The following SPPL2A variants were observed in gnomAD, a reference collection of about 807,000 sequenced individuals.
SPPL2A encodes the protein signal peptide peptidase like 2A.
Under a neutral mutation model 63.8 loss-of-function variants are expected in SPPL2A, and 51 were observed. The observed-to-expected ratio is 0.80, with a 90% confidence interval of 0.64 to 1.01. The LOEUF (loss-of-function observed/expected upper bound fraction) is 1.01, where lower values mean the gene tolerates loss of function less well. Among genes scored for constraint, SPPL2A ranks in the 50% least tolerant of loss-of-function variants. SPPL2A has a pLI of 0.00. For missense variants in SPPL2A, 553 were observed against 622.7 expected (o/e 0.89, Z 1.19); for synonymous variants, 188 against 205.8 (o/e 0.91, Z 0.74).
chr15:50,703,359 T>TA lies in SPPL2A; in HGVS notation c.*4440_*4441insT, dbSNP rs1567144075. 1 of 96,904 alleles carries TA rather than the reference T, an allele frequency of 1.0e-5. No individual in the cohort carries two copies. The highest frequency in any genetic ancestry group is 2.1e-5 in the Non-Finnish European group (1 of 48,164). 6.0% of individuals were successfully genotyped at this position (96,904 alleles called of 1,614,324 possible). On this transcript the variant is annotated 3_prime_UTR_variant, in exon 15 of 15. Transcript: ENST00000261854. ...ATATATATATATACATATATATATT[T>TA]TTTTTTTTTTTTTTTTTTTTTGAGA...
intron 1 of SPPL2A, among the ~76,000 whole-genome samples, chr15:50,752,667 G>A (rs2062919359): frequency 6.6e-6 from 1 of 150,822 alleles, no homozygotes; most frequent in Non-Finnish European, 1.5e-5. Flanking sequence ...GCAGTGAGCC[G>A]AGATCGTGCC....
intron 14 of SPPL2A, among the ~76,000 whole-genome samples, chr15:50,716,777 C>A (rs1401879365): frequency 6.6e-6 from 1 of 152,148 alleles, no homozygotes; most frequent in East Asian, 1.9e-4. Context: ...TGCTCACAGG[C>A]CTGTCCTGAG....
chr15:50,715,586 A>G (rs2062593814), intron 14 of SPPL2A, among the ~76,000 whole-genome samples: 1 of 140,232 alleles, frequency 7.1e-6, no homozygotes, highest in Non-Finnish European at 1.5e-5. Context: ...AACTGTTTAC[A>G]GTAGCTGCCC....
At chr15:50,758,391 G>A (rs149363996) in intron 1 of SPPL2A, among the ~76,000 whole-genome samples, 143 of 151,264 alleles carry the variant, frequency 9.5e-4, no homozygotes, top group African/African-American at 3.3e-3. Flanking sequence ...AGAGTGCAGT[G>A]GCGTGATCTA....
At chr15:50,747,698 C>A in intron 4 of SPPL2A, 70 bp from the exon 5 acceptor site, 1 of 1,055,520 alleles carries the variant, frequency 9.5e-7, no homozygotes, top group South Asian at 1.4e-5. Context: ...CAGCAATAGT[C>A]CACATTTCAC....
In SPPL2A at chr15:50,702,775, G is replaced by T. The variant is rs1346859033; in HGVS notation, c.*5025C>A. On this transcript the variant is annotated 3_prime_UTR_variant, in exon 15 of 15. Transcript: ENST00000261854. Reference sequence around the variant, plus strand: ...AATGGAGGACTACTATAAAAATTTAGTTTTAAAAATAATTTTTCTCCCAAT... The same window carrying T: ...AATGGAGGACTACTATAAAAATTTATTTTTAAAAATAATTTTTCTCCCAAT... The T allele has an allele frequency of 6.6e-6, 1 of 152,086 alleles. No homozygotes were observed. The highest frequency in any genetic ancestry group is 1.5e-5 in the Non-Finnish European group (1 of 68,014). 9.4% of individuals were successfully genotyped at this position (152,086 alleles called of 1,614,324 possible).
At position 50,747,607 on chromosome 15, in the gene SPPL2A, C is replaced by G; in HGVS notation, c.472G>C (p.Val158Leu). 6.2e-7 allele frequency: 1 copy of G among 1,608,018 alleles called. No individual in the cohort carries two copies. Among genetic ancestry groups the G allele is most frequent in the South Asian group, 1.1e-5 (1 of 90,326 alleles). Residue 158 changes from valine to leucine, a missense_variant, in exon 5 of 15, where the codon GTG (valine) becomes CTG (leucine). Coordinates refer to ENST00000261854, the MANE Select transcript of SPPL2A (RefSeq NM_032802.4). ...MNQTLGDNIT[V>L]KMYSPSWPNF... The stretch of plus-strand genomic sequence containing the variant: ...GGCCACGATGGAGAATACATTTTCA[C>G]AGTAATGTTATCTCCTAGAGTCTGA...
At chr15:50,732,431 G>A (rs542714310) in intron 9 of SPPL2A, among the ~76,000 whole-genome samples, 172 bp downstream of exon 9, 11 of 152,238 alleles carry the variant, frequency 7.2e-5, no homozygotes, top group African/African-American at 2.6e-4. Flanking sequence ...TGGAAGAGAT[G>A]AGAAATGTTC....
Position 50,706,165 on chromosome 15 carries a change from G to C in SPPL2A, c.*1635C>G, listed in dbSNP as rs887409668. Reference sequence around the variant, plus strand: ...CCAGCACTTTGGGAGGCCGAGGCGGGCGGATCACGAGGTCAGGAGATCGAG... The same window carrying C: ...CCAGCACTTTGGGAGGCCGAGGCGGCCGGATCACGAGGTCAGGAGATCGAG... On this transcript the variant is annotated 3_prime_UTR_variant, in exon 15 of 15. Coordinates refer to ENST00000261854, the MANE Select transcript of SPPL2A (RefSeq NM_032802.4). The C allele has an allele frequency of 6.6e-6, 1 of 151,930 alleles. No individual in the cohort carries two copies. The highest frequency in any genetic ancestry group is 2.4e-5 in the African/African-American group (1 of 41,386). The allele number at this position is 151,930 out of a possible 1,614,324, so 9.4% of individuals were successfully genotyped here.
intron 12 of SPPL2A, among the ~76,000 whole-genome samples, chr15:50,723,943 G>C (rs1023282756): frequency 6.6e-6 from 1 of 152,036 alleles, no homozygotes; most frequent in South Asian, 2.1e-4. Context: ...TTAGACCTTT[G>C]ACATTTACTT....
chr15:50,761,443 C>T (rs954925363), intron 1 of SPPL2A, among the ~76,000 whole-genome samples: 5 of 151,910 alleles, frequency 3.3e-5, no homozygotes, highest in Non-Finnish European at 7.4e-5. Flanking sequence ...TGGAGAAACC[C>T]CCGTCTCTAC....
intron 5 of SPPL2A, among the ~76,000 whole-genome samples, chr15:50,742,002 T>C (rs1441681055): frequency 6.6e-6 from 1 of 151,864 alleles, no homozygotes; most frequent in Non-Finnish European, 1.5e-5. Flanking sequence ...TCATCTTTTT[T>C]GAAAAAAAAA....
chr15:50,762,017 A>C (rs993275213), intron 1 of SPPL2A, among the ~76,000 whole-genome samples: 5 of 152,176 alleles, frequency 3.3e-5, no homozygotes, highest in Non-Finnish European at 7.3e-5. Flanking sequence ...TGAGAAATAA[A>C]GTTCTGACCA....
intron 1 of SPPL2A, among the ~76,000 whole-genome samples, chr15:50,758,132 C>CA (rs573951583): frequency 9.4e-4 from 139 of 147,968 alleles, no homozygotes; most frequent in African/African-American, 3.3e-3. Flanking sequence ...ACTAAAAATA[C>CA]AAAAAAATTA....
chr15:50,754,447 T>A (rs1381624629), intron 1 of SPPL2A, among the ~76,000 whole-genome samples: 4 of 152,190 alleles, frequency 2.6e-5, no homozygotes, highest in Non-Finnish European at 5.9e-5. Context: ...ATGATGAAAA[T>A]GTTATAAAAT....
chr15:50,737,015 G>A (rs1567159761), intron 6 of SPPL2A, among the ~76,000 whole-genome samples: 1 of 152,022 alleles, frequency 6.6e-6, no homozygotes, highest in East Asian at 2.0e-4. Context: ...CTGGGCTCAA[G>A]TGATTCTCAT....
chr15:50,713,915 A>T (rs1050257163), intron 14 of SPPL2A, among the ~76,000 whole-genome samples: 3 of 152,184 alleles, frequency 2.0e-5, no homozygotes, highest in African/African-American at 7.2e-5. Context: ...ATATTAACAT[A>T]TTTATTACAG....
At chr15:50,727,364 G>A (rs1032343457) in intron 10 of SPPL2A, among the ~76,000 whole-genome samples, 2 of 152,122 alleles carry the variant, frequency 1.3e-5, no homozygotes, top group African/African-American at 4.8e-5. Flanking sequence ...AATCTTCTGC[G>A]CATGTTAAGC....
rs1365734662 is a variant in SPPL2A at position 50,706,263 on chromosome 15, G to A, written c.*1537C>T. The A allele has an allele frequency of 6.7e-6, 1 of 150,374 alleles. No homozygotes were observed. The highest frequency in any genetic ancestry group is 1.5e-5 in the Non-Finnish European group (1 of 67,324). 9.3% of individuals were successfully genotyped at this position (150,374 alleles called of 1,614,324 possible). Reference sequence around the variant, plus strand: ...AAAATAGCCGGGCGTAGTGGCGGGCGCCTGTAGTCCTAGCTACTTGGGAGG... The same window carrying A: ...AAAATAGCCGGGCGTAGTGGCGGGCACCTGTAGTCCTAGCTACTTGGGAGG... On this transcript the variant is annotated 3_prime_UTR_variant, in exon 15 of 15. Transcript: ENST00000261854.
Sources: gnomAD v4.1 joint callset for allele counts (sites outside exome capture counted in the v4.1 genomes callset) on GRCh38, gnomAD v4.1.1 for gene constraint, MANE v1.5 for transcripts, NCBI Gene and HGNC (gene_info 2026-07-23, HGNC 2026-07-21) for gene names.